The following FAM53B variants were observed in gnomAD, a reference collection of about 807,000 sequenced individuals.
The protein encoded by FAM53B is protein FAM53B.
In FAM53B, 12 loss-of-function variants were observed where a neutral mutation model predicts 32.7. The observed-to-expected ratio is 0.37, with a 90% CI of 0.24 to 0.59. The LOEUF is 0.59. Ranked by LOEUF, FAM53B falls within the 20% of genes least tolerant of loss-of-function variation. The probability of loss-of-function intolerance (pLI) is 0.72; values close to 1 mark genes in which losing one functional copy is unlikely to be tolerated. For synonymous variants in FAM53B, 234 were observed against 228.7 expected, an observed-to-expected ratio of 1.02 and a Z score of -0.21; for missense variants, 477 against 577.7, an observed-to-expected ratio of 0.83 and a Z score of 1.79.
rs1284851691 is a variant in FAM53B, at chr10:124,681,886, G to T, written c.627C>A (p.Asp209Glu). The T allele has an allele frequency of 6.2e-7, 1 of 1,613,734 alleles. No homozygotes were observed. The highest frequency in any genetic ancestry group is 1.1e-5 in the South Asian group (1 of 91,052). Residue 209 changes from aspartate to glutamate, a missense_variant, in exon 4 of 5, where the codon GAC becomes GAA. Asp to Glu is a conservative substitution (Grantham distance 45, BLOSUM62 2). Transcript: ENST00000337318. ...PGSAPCGQAG[D>E]TWSPDLHPVG... ...CGGGGTGCAGGTCAGGGCTCCAGGT[G>T]TCACCTGCCTGTCCACACGGGGCTG...
At chr10:124,736,647 A>G (rs1275913900) in intron 1 of FAM53B, among the ~76,000 whole-genome samples, 1 of 152,262 alleles carries the variant, frequency 6.6e-6, no homozygotes, top group Non-Finnish European at 1.5e-5. Context: ...AGGGTGCTTC[A>G]GGCTTCAGCC....
intron 3 of FAM53B, among the ~76,000 whole-genome samples, chr10:124,683,857 A>G (rs1328208970): frequency 1.3e-5 from 2 of 152,148 alleles, no homozygotes; most frequent in African/African-American, 4.8e-5. Context: ...TATCTCCACT[A>G]CCAGTGGCCA....
chr10:124,655,197 T>A lies in FAM53B; in HGVS notation c.906+26410A>T, dbSNP rs3781459. Among the ~76,000 whole-genome samples the A allele has an allele frequency of 6.6e-4, 101 of 152,198 alleles. 2 individuals are homozygous for A. The East Asian group carries it at 0.019, about 28-fold the overall frequency. ...GACTGACCACAGTGTCCTGTCACAT[T>A]CAGGTGACAAGGCTAGCTTCAGGAC... On this transcript the variant is annotated intron_variant, in intron 4 of 4. Transcript: ENST00000337318.
At chr10:124,690,546 C>A (rs1476637269) in intron 3 of FAM53B, among the ~76,000 whole-genome samples, 3 of 152,208 alleles carry the variant, frequency 2.0e-5, no homozygotes, top group Non-Finnish European at 4.4e-5. Flanking sequence ...GTGAGCCCAA[C>A]CTGGGTAAGA....
intron 1 of FAM53B, among the ~76,000 whole-genome samples, chr10:124,736,284 A>C (rs1307833907): frequency 6.6e-6 from 1 of 152,262 alleles, no homozygotes; most frequent in Non-Finnish European, 1.5e-5. Flanking sequence ...TCCAGCCAGG[A>C]AACTGAATCG....
rs139150627 is a variant in FAM53B at position 124,651,245 on chromosome 10, T to TA, written c.907-27642dup. On this transcript the variant is annotated intron_variant, in intron 4 of 4. Coordinates refer to ENST00000337318, the MANE Select transcript of FAM53B (RefSeq NM_014661.4). The surrounding 1 kb of genome is among the most constrained non-coding windows in gnomAD (Gnocchi z 5.2). The stretch of plus-strand genomic sequence containing the variant: ...AGACGCTCTGTTGTGGCCTTGCTGC[T>TA]AGCCTTTTCCAGGAGCTGAGGCCCC... 1.1e-3 allele frequency among the ~76,000 whole-genome samples: 165 copies of TA among 152,362 alleles called. No individual in the cohort carries two copies. The highest frequency in any genetic ancestry group is 3.9e-3 in the African/African-American group (162 of 41,592).
At chr10:124,672,226 C>T (rs1301261566) in intron 4 of FAM53B, among the ~76,000 whole-genome samples, 1 of 152,262 alleles carries the variant, frequency 6.6e-6, no homozygotes, top group Non-Finnish European at 1.5e-5. Flanking sequence ...CCGTGCTGGG[C>T]TCTGGGCACA....
At chr10:124,727,330 T>TGGGGGGGGG (rs35254075) in intron 1 of FAM53B, among the ~76,000 whole-genome samples, 1 of 89,180 alleles carries the variant, frequency 1.1e-5, no homozygotes, top group African/African-American at 4.9e-5. Context: ...TGAGTGATTG[T>TGGGGGGGGG]GGGGGGGGGG....
intron 4 of FAM53B, among the ~76,000 whole-genome samples, chr10:124,624,809 G>A (rs991675389): frequency 6.6e-6 from 1 of 152,250 alleles, no homozygotes; most frequent in South Asian, 2.1e-4. Flanking sequence ...TCCTCAGAAT[G>A]ATGCACATGC....
intron 4 of FAM53B, among the ~76,000 whole-genome samples, chr10:124,653,775 G>A (rs143448688): frequency 1.2e-3 from 178 of 152,328 alleles, no homozygotes; most frequent in African/African-American, 4.1e-3. Flanking sequence ...ATGCAAGAAC[G>A]CACTTTGGGA....
Position 124,623,084 on chromosome 10 carries a change from C to A in FAM53B, c.*158G>T. 1 of 978,720 alleles carries A rather than the reference C, an allele frequency of 1.0e-6. No individual in the cohort carries two copies. The highest frequency in any genetic ancestry group is 1.5e-6 in the Non-Finnish European group (1 of 670,174). The allele number at this position is 978,720 out of a possible 1,614,324, so 60.6% of individuals were successfully genotyped here. A position where few individuals can be genotyped will look rare whatever the true frequency, so the allele number is the denominator to read the frequency against. The stretch of plus-strand genomic sequence containing the variant: ...TATGACGCGGCCAGGCCAGGCTCTC[C>A]CCCAGGCAGCAGGTGGGCTCCCTCT... On this transcript the variant is annotated 3_prime_UTR_variant, in exon 5 of 5. Transcript: ENST00000337318.
intron 1 of FAM53B, among the ~76,000 whole-genome samples, chr10:124,709,577 C>A (rs150841936): frequency 3.5e-4 from 53 of 152,274 alleles, no homozygotes; most frequent in African/African-American, 1.2e-3. Flanking sequence ...GGACATTCAT[C>A]GGAGGTAGGC....
intron 4 of FAM53B, among the ~76,000 whole-genome samples, chr10:124,635,899 A>G (rs1360920438): frequency 6.6e-6 from 1 of 152,172 alleles, no homozygotes; most frequent in Non-Finnish European, 1.5e-5. Context: ...CAAGGTATGT[A>G]TTGCATGCTA....
At chr10:124,659,424 G>A (rs1177033146) in intron 4 of FAM53B, among the ~76,000 whole-genome samples, 1 of 152,248 alleles carries the variant, frequency 6.6e-6, no homozygotes, top group East Asian at 1.9e-4. Context: ...TAGCAGTGGT[G>A]GAAGTGGTCT....
intron 4 of FAM53B, among the ~76,000 whole-genome samples, chr10:124,630,664 T>C (rs1055389600): frequency 1.3e-5 from 2 of 152,180 alleles, no homozygotes; most frequent in Admixed American, 6.5e-5. Flanking sequence ...TGGCAATGGA[T>C]ACTCAAGACT....
In FAM53B at chr10:124,725,099, G is replaced by A. The variant is rs116923647; in HGVS notation, c.-174-18212C>T. ...ACAAAACTGTGAGGAAAACTTCAAG[G>A]CCAGGCAAAGCCAAAGCCTGCCCGT... On this transcript the variant is annotated intron_variant, in intron 1 of 4. Coordinates refer to ENST00000337318, the MANE Select transcript of FAM53B (RefSeq NM_014661.4). Among the ~76,000 whole-genome samples, 932 of 152,278 alleles carry A rather than the reference G, an allele frequency of 6.1e-3. 32 individuals carry two copies. The East Asian group carries it at 0.089, about 15-fold the overall frequency.
intron 4 of FAM53B, among the ~76,000 whole-genome samples, chr10:124,653,527 G>C (rs1239526060): frequency 6.6e-6 from 1 of 152,212 alleles, no homozygotes; most frequent in Non-Finnish European, 1.5e-5. Flanking sequence ...GCGGGCCCCT[G>C]CCAGGACACT....
intron 4 of FAM53B, among the ~76,000 whole-genome samples, chr10:124,668,294 T>C (rs1949686487): frequency 6.6e-6 from 1 of 152,270 alleles, no homozygotes; most frequent in Non-Finnish European, 1.5e-5. Flanking sequence ...CCTAAGCTGT[T>C]TCTGAGCAGG....
At chr10:124,671,225 C>A (rs1054643780) in intron 4 of FAM53B, 1 of 451,502 alleles carries the variant, frequency 2.2e-6, no homozygotes. Flanking sequence ...ATTCACAGAA[C>A]CAATTTCATC....
Sources: gnomAD v4.1 joint callset for allele counts (sites outside exome capture counted in the v4.1 genomes callset) on GRCh38, gnomAD v4.1.1 for gene constraint, Gnocchi (gnomAD v3.1) non-coding constraint, MANE v1.5 for transcripts, NCBI Gene and HGNC (gene_info 2026-07-23, HGNC 2026-07-21) for gene names.